The following ZNF469 variants were observed in gnomAD, a reference collection of about 807,000 sequenced individuals.
ZNF469 encodes the protein zinc finger protein 469.
ZNF469 carries 1 observed loss-of-function variant against 1.0 expected under a neutral mutation model. That is an observed-to-expected ratio of 1.00 (90% CI 0.35 to 4.73). ZNF469 has a LOEUF of 4.73. Ranked by LOEUF, ZNF469 falls within the 30% of genes most tolerant of loss-of-function variation. The pLI, the probability that ZNF469 is intolerant of heterozygous loss-of-function variation, is 0.16. For synonymous variants in ZNF469, 2,703 were observed against 2,363.4 expected, an observed-to-expected ratio of 1.14 and a Z score of -4.17; for missense variants, 6,100 against 5,356.3, an observed-to-expected ratio of 1.14 and a Z score of -4.33.
At position 88,431,275 on chromosome 16, in the gene ZNF469, C is replaced by CCGCCCAGCAGACATGACACCGGCA; in HGVS notation, c.3807_3830dup (p.Ser1271_Pro1278dup). 6.5e-7 allele frequency: 1 copy of CCGCCCAGCAGACATGACACCGGCA among 1,550,346 alleles called. No individual in the cohort carries two copies. The highest frequency in any genetic ancestry group is 8.7e-7 in the Non-Finnish European group (1 of 1,146,976). ...CGGTCTCCTGATACCAGAGCAGCCGCCGCCCAGCAGACATGACACCGGCAC... is the reference window on the plus strand; with the variant it reads ...CGGTCTCCTGATACCAGAGCAGCCGCCGCCCAGCAGACATGACACCGGCACGCCCAGCAGACATGACACCGGCAC... On this transcript the variant is annotated inframe_insertion, in exon 3 of 3. Coordinates refer to ENST00000565624, the MANE Select transcript of ZNF469 (RefSeq NM_001367624.2).
At chr16:88,199,618 C>G in the ZNF469 span, among the ~76,000 whole-genome samples, 1 of 152,222 alleles carries the variant, frequency 6.6e-6, no homozygotes, top group Non-Finnish European at 1.5e-5. Flanking sequence ...CGGCTCGGAC[C>G]ACCCACATAT....
At chr16:88,380,242 C>G (rs1012213425), upstream of ZNF469, among the ~76,000 whole-genome samples, 4 of 151,152 alleles carry the variant, frequency 2.6e-5, no homozygotes, top group African/African-American at 4.9e-5. Flanking sequence ...TGCACTCACA[C>G]ACAAATGCAC....
At chr16:88,284,802 G>A in the ZNF469 span, among the ~76,000 whole-genome samples, 1 of 152,218 alleles carries the variant, frequency 6.6e-6, no homozygotes, top group Non-Finnish European at 1.5e-5. Flanking sequence ...CCTTGGTGAG[G>A]AGTGAGACTC....
At chr16:88,264,750 C>G in the ZNF469 span, among the ~76,000 whole-genome samples, 1 of 152,178 alleles carries the variant, frequency 6.6e-6, no homozygotes, top group Non-Finnish European at 1.5e-5. Context: ...CAGTCCAGTC[C>G]TGCTCGTCCC....
the ZNF469 span, among the ~76,000 whole-genome samples, chr16:88,171,367 A>T: frequency 6.6e-6 from 1 of 152,176 alleles, no homozygotes; most frequent in South Asian, 2.1e-4. Flanking sequence ...AGTTCTGTGG[A>T]GCATGTTTCA....
chr16:88,301,002 T>G, the ZNF469 span, among the ~76,000 whole-genome samples: 1 of 151,152 alleles, frequency 6.6e-6, no homozygotes, highest in African/African-American at 2.4e-5. Context: ...GAGGCAGAGG[T>G]TGCAGTGAGC....
At chr16:88,142,704 CTG>C in the ZNF469 span, among the ~76,000 whole-genome samples, 4 of 152,220 alleles carry the variant, frequency 2.6e-5, no homozygotes, top group African/African-American at 9.6e-5. Flanking sequence ...GAGGAGGAAA[CTG>C]AGGCTTGGGG....
chr16:88,273,990 A>T, the ZNF469 span, among the ~76,000 whole-genome samples: 1 of 152,050 alleles, frequency 6.6e-6, no homozygotes, highest in African/African-American at 2.4e-5. Context: ...TTTTTAGTAG[A>T]GACGGGGTTT....
the ZNF469 span, among the ~76,000 whole-genome samples, chr16:88,332,938 C>G: frequency 6.6e-6 from 1 of 152,228 alleles, no homozygotes; most frequent in African/African-American, 2.4e-5. Context: ...TTCCCACCCC[C>G]CTGTCAGAGC....
chr16:88,206,702 G>T, the ZNF469 span, among the ~76,000 whole-genome samples: 1 of 151,314 alleles, frequency 6.6e-6, no homozygotes. Context: ...GATGGCTTTG[G>T]AGGGAACAGA....
the ZNF469 span, among the ~76,000 whole-genome samples, chr16:88,293,273 G>C: frequency 6.6e-6 from 1 of 151,908 alleles, no homozygotes; most frequent in African/African-American, 2.4e-5. Context: ...AAGATGGGTG[G>C]ATGGATGGGT....
the ZNF469 span, among the ~76,000 whole-genome samples, chr16:88,109,647 G>T: frequency 7.1e-6 from 1 of 140,854 alleles, no homozygotes; most frequent in Non-Finnish European, 1.5e-5. Flanking sequence ...GGTGCTGAGC[G>T]TCTGTGTCCA....
chr16:88,216,349 C>A, the ZNF469 span, among the ~76,000 whole-genome samples: 1 of 151,984 alleles, frequency 6.6e-6, no homozygotes, highest in African/African-American at 2.4e-5. Flanking sequence ...CAAAAATTAG[C>A]CGGGCGCGGT....
At chr16:88,114,473 C>T in the ZNF469 span, among the ~76,000 whole-genome samples, 17 of 148,568 alleles carry the variant, frequency 1.1e-4, no homozygotes, top group South Asian at 8.4e-4. Flanking sequence ...TCACTGACTG[C>T]GGGGGTCTCC....
chr16:88,286,721 A>C, the ZNF469 span, among the ~76,000 whole-genome samples: 1 of 152,268 alleles, frequency 6.6e-6, no homozygotes, highest in Admixed American at 6.5e-5. Context: ...GAGCTTTAGA[A>C]GGAACAGAAA....
the ZNF469 span, among the ~76,000 whole-genome samples, chr16:88,301,668 G>C: frequency 6.6e-5 from 10 of 152,216 alleles, no homozygotes; most frequent in Non-Finnish European, 2.9e-5. Context: ...GCTGGGAGTG[G>C]TCATGAGATG....
chr16:88,437,256 C>T lies in ZNF469; in HGVS notation c.9786C>T (p.Ala3262=). ...ACCCGTGGGGGCAAGAGGGAGAAGCCAAGAAAGACAGCCCGGGCGAGAGGG... is the reference window on the plus strand; with the variant it reads ...ACCCGTGGGGGCAAGAGGGAGAAGCTAAGAAAGACAGCCCGGGCGAGAGGG... The part of the protein sequence containing the change: ...PGDPWGQEGE[A]KKDSPGERAK... Residue 3262 remains alanine (A), a synonymous_variant, in exon 3 of 3, where the codon GCC becomes GCT. Coordinates refer to ENST00000565624, the MANE Select transcript of ZNF469 (RefSeq NM_001367624.2). The T allele has an allele frequency of 1.3e-6, 2 of 1,548,878 alleles. No individual in the cohort carries two copies. Among genetic ancestry groups the T allele is most frequent in the Middle Eastern group, 1.7e-4 (1 of 5,970 alleles).
chr16:88,418,079 C>T (rs1467713056), intron 1 of ZNF469, among the ~76,000 whole-genome samples: 1 of 152,204 alleles, frequency 6.6e-6, no homozygotes, highest in African/African-American at 2.4e-5. Context: ...CCAGGAATAA[C>T]AGCTGCCCCA....
At chr16:88,302,162 G>A in the ZNF469 span, among the ~76,000 whole-genome samples, 978 of 152,280 alleles carry the variant, frequency 6.4e-3, 6 homozygotes, top group African/African-American at 0.022. Flanking sequence ...GACTCGGGGG[G>A]TAACCGACGC....
Sources: allele counts gnomAD v4.1 joint callset (sites outside exome capture counted in the v4.1 genomes callset), GRCh38; gene constraint gnomAD v4.1.1; transcripts MANE v1.5; gene names NCBI Gene and HGNC (gene_info 2026-07-23, HGNC 2026-07-21).